The following STON2 variants were observed in gnomAD, a reference collection of about 807,000 sequenced individuals.
STON2 encodes stonin-2.
A neutral mutation model predicts 65.7 loss-of-function variants in STON2; 29 were observed. That is an observed-to-expected ratio of 0.44 (90% confidence interval 0.33 to 0.60). STON2 has a LOEUF of 0.60. STON2 is among the 20% of genes least tolerant of loss of function. STON2 has a pLI of 0.03. For synonymous variants in STON2, 404 were observed against 414.2 expected (o/e 0.98, Z 0.30); for missense variants, 1,054 against 1,118.1 (o/e 0.94, Z 0.82).
chr14:81,262,104 G>A lies in STON2; in HGVS notation c.*6310C>T. 1.0e-6 allele frequency: 1 copy of A among 985,400 alleles called. No individual in the cohort carries two copies. Among genetic ancestry groups the A allele is most frequent in the Non-Finnish European group, 1.2e-6 (1 of 829,914 alleles). The allele number at this position is 985,400 out of a possible 1,614,324, so 61.0% of individuals were successfully genotyped here. A position where few individuals can be genotyped will look rare whatever the true frequency, so the allele number is the denominator to read the frequency against. ...TTTTGTAAAATAACCCACAACTTTA[G>A]AGCTGGAAAGGACTTGAAGAAACAA... On this transcript the variant is annotated 3_prime_UTR_variant, in exon 8 of 8. Transcript: ENST00000614646.
At chr14:81,411,502 T>C (rs1901156816) in intron 2 of STON2, among the ~76,000 whole-genome samples, 1 of 152,078 alleles carries the variant, frequency 6.6e-6, no homozygotes, top group Non-Finnish European at 1.5e-5. Context: ...AGGTCAGGAG[T>C]TTGAGACCAG....
intron 4 of STON2, among the ~76,000 whole-genome samples, chr14:81,349,054 C>T (rs1291132347): frequency 6.6e-6 from 1 of 152,228 alleles, no homozygotes; most frequent in South Asian, 2.1e-4. Flanking sequence ...AACAATGAAA[C>T]TAGACCCCTA....
intron 5 of STON2, 77 bp from the exon 6 acceptor site, chr14:81,278,816 G>T: frequency 1.7e-6 from 2 of 1,152,710 alleles, no homozygotes; most frequent in Non-Finnish European, 2.4e-6. Context: ...TAGGAATGAG[G>T]GATTACTAGA....
In STON2 at chr14:81,278,095, G is replaced by A; in HGVS notation, c.1387C>T (p.Pro463Ser). Residue 463 changes from proline (P) to serine (S), a missense_variant, in exon 6 of 8, where the codon CCA becomes TCA. Physicochemically the swap from Pro to Ser is moderately conservative, Grantham distance 74. Coordinates refer to ENST00000614646, the MANE Select transcript of STON2 (RefSeq NM_001394390.1). ...FGSATLPDDD[P>S]VAWIELDAHP... ...GCATCTAGTTCAATCCAGGCTACTG[G>A]GTCATCATCAGGTAGAGTTGCACTG... 1 of 1,614,146 alleles carries A rather than the reference G, an allele frequency of 6.2e-7. No individual in the cohort carries two copies. The highest frequency in any genetic ancestry group is 1.1e-5 in the South Asian group (1 of 91,072).
At chr14:81,314,211 C>A (rs1896540515) in intron 5 of STON2, among the ~76,000 whole-genome samples, 1 of 152,250 alleles carries the variant, frequency 6.6e-6, no homozygotes, top group Non-Finnish European at 1.5e-5. Context: ...AAGGCCACTT[C>A]CTGGTAGGAC....
At chr14:81,366,014 T>G (rs372882587) in intron 4 of STON2, among the ~76,000 whole-genome samples, 2 of 152,188 alleles carry the variant, frequency 1.3e-5, no homozygotes, top group South Asian at 4.1e-4. Flanking sequence ...CCTGTGGAGA[T>G]GAGGGGTAAG....
intron 4 of STON2, among the ~76,000 whole-genome samples, chr14:81,345,093 A>G (rs182736366): frequency 1.3e-5 from 2 of 152,330 alleles, no homozygotes; most frequent in East Asian, 1.9e-4. Context: ...GCTTGTGACA[A>G]TGCATATAAT....
chr14:81,319,087 C>A (rs2140236553), intron 5 of STON2, among the ~76,000 whole-genome samples: 1 of 152,306 alleles, frequency 6.6e-6, no homozygotes, highest in South Asian at 2.1e-4. Context: ...ATAAAGCTAC[C>A]CGCCTCTAGA....
At chr14:81,349,574 CA>C (rs1451932705) in intron 4 of STON2, among the ~76,000 whole-genome samples, 5 of 151,864 alleles carry the variant, frequency 3.3e-5, no homozygotes, top group African/African-American at 7.2e-5. Flanking sequence ...ATCAGGAATA[CA>C]AAAGATAACA....
At chr14:81,328,647 ACC>A (rs1353673373) in intron 4 of STON2, among the ~76,000 whole-genome samples, 1 of 151,850 alleles carries the variant, frequency 6.6e-6, no homozygotes, top group Non-Finnish European at 1.5e-5. Flanking sequence ...CTGAAATTGG[ACC>A]CCCAGTGTTG....
At chr14:81,292,125 G>A (rs1232860287) in intron 5 of STON2, among the ~76,000 whole-genome samples, 1 of 152,166 alleles carries the variant, frequency 6.6e-6, no homozygotes, top group Non-Finnish European at 1.5e-5. Flanking sequence ...TTGGACTTCA[G>A]CTAAATGTCG....
At chr14:81,319,899 T>C (rs1437555630) in intron 5 of STON2, among the ~76,000 whole-genome samples, 1 of 152,218 alleles carries the variant, frequency 6.6e-6, no homozygotes. Context: ...ATGACATTAA[T>C]AGACCCCATA....
upstream of STON2, among the ~76,000 whole-genome samples, chr14:81,405,031 T>G (rs901739638): frequency 1.3e-5 from 2 of 152,226 alleles, no homozygotes; most frequent in African/African-American, 4.8e-5. Context: ...TTATCTTTCA[T>G]TTTCAGCAAC....
At chr14:81,331,888 A>C (rs1272100929) in intron 4 of STON2, among the ~76,000 whole-genome samples, 2 of 152,164 alleles carry the variant, frequency 1.3e-5, no homozygotes, top group Non-Finnish European at 2.9e-5. Flanking sequence ...AGTTTAATGA[A>C]GATTTGGTCT....
At chr14:81,367,544 T>C (rs142303830) in intron 4 of STON2, among the ~76,000 whole-genome samples, 124 of 152,320 alleles carry the variant, frequency 8.1e-4, no homozygotes, top group African/African-American at 2.9e-3. Context: ...TGAAAAATAC[T>C]TGTTCATTCT....
chr14:81,298,906 T>G (rs1388844984), intron 5 of STON2, among the ~76,000 whole-genome samples: 1 of 152,214 alleles, frequency 6.6e-6, no homozygotes, highest in African/African-American at 2.4e-5. Context: ...ATTTTAAAAC[T>G]TTTTAAAACA....
At chr14:81,278,817 G>T (rs1894991397) in intron 5 of STON2, 78 bp from the exon 6 acceptor site, 2 of 1,150,394 alleles carry the variant, frequency 1.7e-6, no homozygotes, top group Non-Finnish European at 2.4e-6. Flanking sequence ...AGGAATGAGG[G>T]ATTACTAGAA....
At chr14:81,430,171 C>A (rs1400944043) in intron 1 of STON2, among the ~76,000 whole-genome samples, 1 of 152,194 alleles carries the variant, frequency 6.6e-6, no homozygotes, top group African/African-American at 2.4e-5. Flanking sequence ...CCCAGCCCAG[C>A]ACAATCTGGG....
At chr14:81,291,441 G>T (rs1377500647) in intron 5 of STON2, among the ~76,000 whole-genome samples, 1 of 152,114 alleles carries the variant, frequency 6.6e-6, no homozygotes, top group African/African-American at 2.4e-5. Flanking sequence ...CTTTGTAATT[G>T]TTGGGCAGGT....
Sources: gnomAD v4.1 joint callset for allele counts (sites outside exome capture counted in the v4.1 genomes callset) on GRCh38, gnomAD v4.1.1 for gene constraint, MANE v1.5 for transcripts, NCBI Gene and HGNC (gene_info 2026-07-23, HGNC 2026-07-21) for gene names.